Variants in LRRC7 observed in about 807,000 individuals in gnomAD.
LRRC7 encodes leucine-rich repeat-containing protein 7.
Under a neutral mutation model 175.7 loss-of-function variants are expected in LRRC7, and 23 were observed. The observed-to-expected ratio is 0.13, with a 90% confidence interval of 0.09 to 0.19. The LOEUF (loss-of-function observed/expected upper bound fraction) is 0.19, where lower values mean the gene tolerates loss of function less well. LRRC7 is among the 10% of genes least tolerant of loss of function. The pLI is 1.00. For synonymous variants in LRRC7, 685 were observed against 680.9 expected, an observed-to-expected ratio of 1.01 and a Z score of -0.09; for missense variants, 1,354 against 1,904.7, an observed-to-expected ratio of 0.71 and a Z score of 5.38.
chr1:69,967,214 A>G (rs1651753262), intron 8 of LRRC7, among the ~76,000 whole-genome samples: 2 of 152,090 alleles, frequency 1.3e-5, no homozygotes, highest in Admixed American at 1.3e-4. Flanking sequence ...GACACAGCAG[A>G]GACAGCCATA....
intron 1 of LRRC7, among the ~76,000 whole-genome samples, chr1:69,596,907 T>TGTTTACTATATATCAGGC (rs1646866952): frequency 6.6e-6 from 1 of 152,254 alleles, no homozygotes; most frequent in Non-Finnish European, 1.5e-5. Flanking sequence ...TACATAGAGC[T>TGTTTACTATATATCAGGC]AATTTCAGTG....
chr1:69,767,638 G>T (rs536683505), intron 3 of LRRC7, among the ~76,000 whole-genome samples: 42 of 152,052 alleles, frequency 2.8e-4, no homozygotes, highest in African/African-American at 9.9e-4. Flanking sequence ...TTATAGAGAA[G>T]TGGTACTATG....
intron 10 of LRRC7, among the ~76,000 whole-genome samples, chr1:69,988,710 G>A (rs967335473): frequency 1.4e-4 from 21 of 152,228 alleles, no homozygotes; most frequent in Admixed American, 9.2e-4. Context: ...AATTCACTGC[G>A]GAAAACTATG....
intron 7 of LRRC7, among the ~76,000 whole-genome samples, chr1:69,885,365 A>G (rs1687072824): frequency 6.8e-6 from 1 of 146,608 alleles, no homozygotes; most frequent in African/African-American, 2.6e-5. Flanking sequence ...GTTTCGAGGA[A>G]TTTATCCATT....
chr1:70,070,842 C>T (rs540186643), intron 23 of LRRC7, among the ~76,000 whole-genome samples: 3 of 152,244 alleles, frequency 2.0e-5, no homozygotes, highest in East Asian at 3.9e-4. Flanking sequence ...GTAAGGTAAA[C>T]GGTGCTTCAT....
intron 7 of LRRC7, among the ~76,000 whole-genome samples, chr1:69,885,264 T>C (rs1486496771): frequency 1.4e-5 from 2 of 142,004 alleles, no homozygotes; most frequent in South Asian, 2.4e-4. Flanking sequence ...TTTTGGTTGG[T>C]AAACTATTGA....
intron 4 of LRRC7, among the ~76,000 whole-genome samples, chr1:69,813,305 GTA>G (rs1487342252): frequency 3.3e-5 from 5 of 152,064 alleles, no homozygotes; most frequent in African/African-American, 1.2e-4. Flanking sequence ...AACTCTCTAA[GTA>G]GTGCTGAAAG....
intron 7 of LRRC7, among the ~76,000 whole-genome samples, chr1:69,843,419 T>C (rs1227394233): frequency 1.3e-5 from 2 of 152,152 alleles, no homozygotes; most frequent in Admixed American, 6.6e-5. Flanking sequence ...TGAAGTTTTT[T>C]AATTTCCCAT....
intron 23 of LRRC7, among the ~76,000 whole-genome samples, chr1:70,068,655 A>C (rs1255049128): frequency 6.6e-6 from 1 of 151,954 alleles, no homozygotes; most frequent in Non-Finnish European, 1.5e-5. Context: ...TATTCGTTTC[A>C]TAAAATAAAG....
intron 7 of LRRC7, among the ~76,000 whole-genome samples, chr1:69,926,449 C>G (rs943819237): frequency 1.5e-4 from 21 of 138,158 alleles, no homozygotes; most frequent in African/African-American, 4.7e-4. Context: ...GTCTAAGTCT[C>G]TTTGTAGGTC....
At chr1:69,921,605 C>A (rs1190366563) in intron 7 of LRRC7, among the ~76,000 whole-genome samples, 1 of 152,184 alleles carries the variant, frequency 6.6e-6, no homozygotes, top group Non-Finnish European at 1.5e-5. Flanking sequence ...TCACATTATT[C>A]ATATTGCCAT....
rs2100706015 is a variant in LRRC7, at chr1:69,703,845, G to A, written c.100+25367G>A. Among the ~76,000 whole-genome samples the A allele has an allele frequency of 1.3e-5, 2 of 152,050 alleles. 1 individual carries two copies. The highest frequency in any genetic ancestry group is 4.1e-4 in the South Asian group (2 of 4,828). On this transcript the variant is annotated intron_variant, in intron 2 of 26. Transcript: ENST00000651989. ...AAGAAAGTATGCATAGGTAGATAGTGCAGATAATAATGTAGTCAACTTTAT... is the reference window on the plus strand; with the variant it reads ...AAGAAAGTATGCATAGGTAGATAGTACAGATAATAATGTAGTCAACTTTAT...
intron 23 of LRRC7, among the ~76,000 whole-genome samples, chr1:70,075,828 G>A (rs535759660): frequency 6.6e-6 from 1 of 152,256 alleles, no homozygotes; most frequent in South Asian, 2.1e-4. Context: ...CCTTTAAAGT[G>A]AGGTTAAAAT....
chr1:69,711,568 T>C (rs1664753925), intron 2 of LRRC7, among the ~76,000 whole-genome samples: 1 of 152,236 alleles, frequency 6.6e-6, no homozygotes, highest in Admixed American at 6.5e-5. Context: ...ATTCAAAAGG[T>C]TAATTTTAAT....
chr1:69,838,682 T>C (rs533651542), intron 7 of LRRC7, among the ~76,000 whole-genome samples: 5 of 152,068 alleles, frequency 3.3e-5, no homozygotes, highest in Non-Finnish European at 7.4e-5. Context: ...ACATCAAGAA[T>C]ATGCCAGAAA....
chr1:69,688,631 G>GTTTT (rs78791999), intron 2 of LRRC7, among the ~76,000 whole-genome samples: 18 of 124,504 alleles, frequency 1.4e-4, no homozygotes, highest in Non-Finnish European at 2.8e-4. Context: ...TCTTTTTATG[G>GTTTT]TTTTTTTTTT....
chr1:69,970,424 C>T (rs1397409616), intron 8 of LRRC7, among the ~76,000 whole-genome samples: 1 of 151,938 alleles, frequency 6.6e-6, no homozygotes, highest in Non-Finnish European at 1.5e-5. Flanking sequence ...CAAATAAGCT[C>T]AATTAGAAAT....
At chr1:69,768,505 A>G (rs1671870431) in intron 3 of LRRC7, among the ~76,000 whole-genome samples, 1 of 152,198 alleles carries the variant, frequency 6.6e-6, no homozygotes, top group African/African-American at 2.4e-5. Context: ...TCTAAGAGAT[A>G]TCTCATACAA....
intron 7 of LRRC7, among the ~76,000 whole-genome samples, chr1:69,916,233 T>TAC (rs1646710208): frequency 8.4e-6 from 1 of 118,388 alleles, no homozygotes; most frequent in Non-Finnish European, 1.7e-5. Context: ...ATAATATAAA[T>TAC]ATATTTTATA....
Sources: gnomAD v4.1 joint callset for allele counts (sites outside exome capture counted in the v4.1 genomes callset) on GRCh38, gnomAD v4.1.1 for gene constraint, MANE v1.5 for transcripts, NCBI Gene and HGNC (gene_info 2026-07-23, HGNC 2026-07-21) for gene names.